Variants in CCDC191 observed in about 807,000 individuals in gnomAD.
The protein encoded by CCDC191 is coiled-coil domain containing 191.
CCDC191 carries 99 observed loss-of-function variants against 114.0 expected under a neutral mutation model. The ratio of observed to expected loss-of-function variants is 0.87; its 90% CI spans 0.74 to 1.03. The LOEUF is 1.03. CCDC191 is among the 50% of genes least tolerant of loss of function. The pLI is 0.00. For synonymous variants in CCDC191, 351 were observed against 376.0 expected (o/e 0.93, Z 0.77); for missense variants, 973 against 1,087.0 (o/e 0.90, Z 1.47).
intron 7 of CCDC191, among the ~76,000 whole-genome samples, chr3:114,027,077 C>A (rs948959365): frequency 6.6e-6 from 1 of 152,148 alleles, no homozygotes; most frequent in Admixed American, 6.5e-5. Context: ...ACATGAATTG[C>A]TGAATCTCCC....
intron 13 of CCDC191, among the ~76,000 whole-genome samples, chr3:113,994,267 T>A (rs1258866872): frequency 6.6e-6 from 1 of 152,196 alleles, no homozygotes; most frequent in Non-Finnish European, 1.5e-5. Context: ...GATATATGGA[T>A]ATCAAGTAAA....
chr3:114,028,983 T>A lies in CCDC191; in HGVS notation c.972+2643A>T, dbSNP rs145145541. 1.3e-4 allele frequency among the ~76,000 whole-genome samples: 19 copies of A among 151,238 alleles called. No individual in the cohort carries two copies. The East Asian group carries it at 3.5e-3, about 28-fold the overall frequency. On this transcript the variant is annotated intron_variant, in intron 7 of 16. Transcript: ENST00000295878. ...ATCTATGTATATATCTATATATATT[T>A]TATATATATTTTAGCTCTGTCTGCT... is the stretch of plus-strand genomic sequence containing the variant.
intron 16 of CCDC191, among the ~76,000 whole-genome samples, chr3:113,975,530 C>T (rs781042441): frequency 1.1e-4 from 16 of 152,130 alleles, no homozygotes; most frequent in African/African-American, 2.2e-4. Context: ...ATGTACTGAG[C>T]GCTGTCATAT....
chr3:114,018,982 G>A (rs1036162565), intron 7 of CCDC191, 114 bp from the exon 8 acceptor site: 16 of 874,266 alleles, frequency 1.8e-5, no homozygotes, highest in Admixed American at 1.2e-4. Context: ...ACAAATACAG[G>A]AACTGTTGTC....
chr3:114,011,159 A>G, intron 8 of CCDC191, 138 bp from the exon 9 acceptor site: 1 of 972,362 alleles, frequency 1.0e-6, no homozygotes, highest in South Asian at 1.7e-5. Context: ...TATTAAGCTA[A>G]ATGAAATTGC....
chr3:114,030,663 C>T (rs535146342), intron 7 of CCDC191, among the ~76,000 whole-genome samples: 13 of 152,180 alleles, frequency 8.5e-5, no homozygotes, highest in African/African-American at 2.6e-4. Flanking sequence ...ATATGTCTAT[C>T]GTTTTTAAAA....
At chr3:114,050,294 T>C (rs2076683136) in intron 2 of CCDC191, among the ~76,000 whole-genome samples, 1 of 152,240 alleles carries the variant, frequency 6.6e-6, no homozygotes. Flanking sequence ...CATCCTTCAT[T>C]TCCTCAAAAC....
intron 8 of CCDC191, among the ~76,000 whole-genome samples, chr3:114,012,948 G>A (rs898982273): frequency 2.0e-5 from 3 of 152,130 alleles, no homozygotes; most frequent in Non-Finnish European, 2.9e-5. Context: ...ATGGTTGTGC[G>A]GGGATATGAA....
intron 7 of CCDC191, among the ~76,000 whole-genome samples, chr3:114,030,587 C>G (rs769669960): frequency 1.3e-5 from 2 of 152,154 alleles, no homozygotes; most frequent in African/African-American, 4.8e-5. Flanking sequence ...AAAACTCTGA[C>G]CAAATTTTTG....
chr3:114,036,000 C>T (rs1032155209), intron 5 of CCDC191, among the ~76,000 whole-genome samples: 3 of 152,160 alleles, frequency 2.0e-5, no homozygotes, highest in African/African-American at 7.2e-5. Flanking sequence ...ATGGCACACA[C>T]ATGTACAGAT....
chr3:114,028,275 ATTTTTTTTTTTTT>A (rs920211150), intron 7 of CCDC191, among the ~76,000 whole-genome samples: 2 of 126,868 alleles, frequency 1.6e-5, no homozygotes, highest in Non-Finnish European at 3.3e-5. Flanking sequence ...AATTCTAAAA[ATTTTTTTTTTTTT>A]TTTTTTTTTT....
At chr3:114,011,372 A>G (rs2107682012) in intron 8 of CCDC191, among the ~76,000 whole-genome samples, 1 of 152,354 alleles carries the variant, frequency 6.6e-6, no homozygotes, top group African/African-American at 2.4e-5. Context: ...AAAAAGATGA[A>G]TGCATGAGGG....
At chr3:114,012,073 CT>C (rs1179538140) in intron 8 of CCDC191, among the ~76,000 whole-genome samples, 1 of 152,114 alleles carries the variant, frequency 6.6e-6, no homozygotes, top group Non-Finnish European at 1.5e-5. Flanking sequence ...CTCATGGACT[CT>C]TTGGGGTCAT....
intron 7 of CCDC191, among the ~76,000 whole-genome samples, 157 bp downstream of exon 7, chr3:114,031,469 A>G (rs1435618517): frequency 1.3e-5 from 2 of 152,192 alleles, no homozygotes; most frequent in Non-Finnish European, 2.9e-5. Flanking sequence ...TGCCCTGCAT[A>G]CCAGGTCAGC....
chr3:114,044,703 T>G (rs2076606222), intron 3 of CCDC191, among the ~76,000 whole-genome samples: 2 of 152,232 alleles, frequency 1.3e-5, no homozygotes, highest in African/African-American at 4.8e-5. Context: ...CATTTATGTG[T>G]ATAGTAATTT....
chr3:114,007,882 AG>A (rs1232799793), intron 9 of CCDC191, among the ~76,000 whole-genome samples: 1 of 151,824 alleles, frequency 6.6e-6, no homozygotes. Flanking sequence ...CGCTGGAAAA[AG>A]ATTAGTTTAC....
chr3:113,998,057 GCACT>G (rs2075768362), intron 13 of CCDC191, among the ~76,000 whole-genome samples: 1 of 151,590 alleles, frequency 6.6e-6, no homozygotes, highest in Non-Finnish European at 1.5e-5. Flanking sequence ...TATAATCCCA[GCACT>G]TTGGGAGGCC....
intron 7 of CCDC191, among the ~76,000 whole-genome samples, chr3:114,028,953 CATATATCTATGT>C (rs1192880960): frequency 4.0e-5 from 6 of 150,628 alleles, no homozygotes; most frequent in Non-Finnish European, 8.9e-5. Flanking sequence ...TACATACACA[CATATATCTATGT>C]ATATATCTAT....
intron 4 of CCDC191, among the ~76,000 whole-genome samples, chr3:114,040,002 T>C (rs1478445914): frequency 6.6e-6 from 1 of 152,242 alleles, no homozygotes; most frequent in Non-Finnish European, 1.5e-5. Flanking sequence ...ACTCACTCAC[T>C]GACTAACCCA....
Sources: gnomAD v4.1 joint callset for allele counts (sites outside exome capture counted in the v4.1 genomes callset) on GRCh38, gnomAD v4.1.1 for gene constraint, MANE v1.5 for transcripts, NCBI Gene and HGNC (gene_info 2026-07-23, HGNC 2026-07-21) for gene names.